The following SYNE2 variants were observed in gnomAD, a reference collection of about 807,000 sequenced individuals.
SYNE2 encodes nesprin-2.
SYNE2 carries 431 observed loss-of-function variants against 856.3 expected under a neutral mutation model. The observed-to-expected ratio is 0.50, with a 90% CI of 0.47 to 0.55. The LOEUF (loss-of-function observed/expected upper bound fraction) is 0.55, where lower values mean the gene tolerates loss of function less well. Ranked by LOEUF, SYNE2 falls within the 20% of genes least tolerant of loss-of-function variation. The pLI is 0.00. For missense variants in SYNE2, 8,129 were observed against 8,023.2 expected (o/e 1.01, Z -0.50); for synonymous variants, 2,923 against 2,872.3 (o/e 1.02, Z -0.56).
intron 74 of SYNE2, among the ~76,000 whole-genome samples, chr14:64,129,338 T>A (rs142078556): frequency 1.6e-4 from 24 of 152,274 alleles, no homozygotes; most frequent in African/African-American, 5.3e-4. Context: ...TCATAAATAT[T>A]TAAGGATGGA....
At chr14:64,114,481 G>A (rs1171860530) in intron 66 of SYNE2, among the ~76,000 whole-genome samples, 1 of 152,100 alleles carries the variant, frequency 6.6e-6, no homozygotes, top group African/African-American at 2.4e-5. Flanking sequence ...CTGTTATGTT[G>A]TTGTGGGAAG....
At chr14:64,097,611 G>T (rs1470025753) in intron 61 of SYNE2, among the ~76,000 whole-genome samples, 1 of 152,246 alleles carries the variant, frequency 6.6e-6, no homozygotes, top group East Asian at 1.9e-4. Flanking sequence ...CAGTCCTGTA[G>T]CTGGCCACTA....
In SYNE2 at chr14:64,065,657, G is replaced by A. The variant is rs773123076; in HGVS notation, c.10431+7G>A. ...GAAATTTGTCAGTGAAGAAGTGAGT[G>A]CTTCATTTTCAACAAACCATGTAGT... On this transcript the variant is annotated splice_region_variant and intron_variant, in intron 51 of 115. Coordinates refer to ENST00000555002, the MANE Select transcript of SYNE2 (RefSeq NM_182914.3). 6.2e-7 allele frequency: 1 copy of A among 1,613,606 alleles called. No homozygotes were observed.
chr14:64,051,484 A>C (rs1595149805), intron 47 of SYNE2, 73 bp from the exon 48 acceptor site: 2 of 1,369,432 alleles, frequency 1.5e-6, no homozygotes, highest in East Asian at 5.0e-5. Flanking sequence ...ATTTCTTCTA[A>C]TGATATTTAT....
At chr14:63,876,323 G>A (rs1188187894) in intron 1 of SYNE2, among the ~76,000 whole-genome samples, 1 of 151,798 alleles carries the variant, frequency 6.6e-6, no homozygotes, top group Admixed American at 6.6e-5. Flanking sequence ...AGGCTGAGGT[G>A]GAGCCAGAAG....
At chr14:63,911,128 C>T (rs1403346792) in intron 2 of SYNE2, among the ~76,000 whole-genome samples, 2 of 152,146 alleles carry the variant, frequency 1.3e-5, no homozygotes, top group Non-Finnish European at 2.9e-5. Flanking sequence ...TGTGCTCCAA[C>T]CCCATGGTTC....
chr14:64,022,982 AT>A, intron 38 of SYNE2, 119 bp downstream of exon 38: 1 of 675,104 alleles, frequency 1.5e-6, no homozygotes, highest in Admixed American at 2.5e-5. Flanking sequence ...TAATCCTAGC[AT>A]TTTCGAAGGC....
intron 6 of SYNE2, among the ~76,000 whole-genome samples, chr14:63,947,184 AG>A (rs2096048959): frequency 6.6e-6 from 1 of 152,192 alleles, no homozygotes; most frequent in East Asian, 1.9e-4. Context: ...TTTACTATGA[AG>A]GTATTCTCTT....
intron 6 of SYNE2, among the ~76,000 whole-genome samples, chr14:63,948,955 G>T (rs1566885553): frequency 6.6e-6 from 1 of 151,474 alleles, no homozygotes; most frequent in Non-Finnish European, 1.5e-5. Context: ...GATTTATGGT[G>T]CAGCATGGTC....
At chr14:63,779,365 G>A (rs1275970429) in intron 1 of SYNE2, among the ~76,000 whole-genome samples, 4 of 115,900 alleles carry the variant, frequency 3.5e-5, no homozygotes, top group African/African-American at 1.2e-4. Flanking sequence ...AATAAAATCA[G>A]TAATCTAAAT....
chr14:63,909,711 C>T (rs1488586193), intron 2 of SYNE2, among the ~76,000 whole-genome samples: 2 of 152,122 alleles, frequency 1.3e-5, no homozygotes, highest in Non-Finnish European at 2.9e-5. Flanking sequence ...TGTTGTGGCA[C>T]ATGTCTGTAA....
At chr14:63,959,545 C>T (rs923669247) in intron 8 of SYNE2, among the ~76,000 whole-genome samples, 2 of 151,866 alleles carry the variant, frequency 1.3e-5, no homozygotes, top group African/African-American at 4.8e-5. Context: ...TGATTCGCCG[C>T]CTTGACCTCA....
intron 15 of SYNE2, 38 bp downstream of exon 15, chr14:63,980,770 C>T (rs771788511): frequency 7.4e-7 from 1 of 1,353,730 alleles, no homozygotes; most frequent in South Asian, 1.2e-5. Flanking sequence ...GAATGACTGT[C>T]ACTTAACAGT....
intron 1 of SYNE2, among the ~76,000 whole-genome samples, chr14:63,811,041 T>G (rs948315771): frequency 6.6e-6 from 1 of 152,174 alleles, no homozygotes; most frequent in African/African-American, 2.4e-5. Flanking sequence ...TTCACCGTGT[T>G]AGACAGGATG....
intron 33 of SYNE2, among the ~76,000 whole-genome samples, chr14:64,017,366 A>G (rs1217220491): frequency 6.6e-6 from 1 of 150,766 alleles, no homozygotes; most frequent in African/African-American, 2.4e-5. Context: ...AATTAGGAAG[A>G]CTATTGATTT....
chr14:63,839,790 T>C (rs1595162471), intron 1 of SYNE2, among the ~76,000 whole-genome samples: 1 of 152,386 alleles, frequency 6.6e-6, no homozygotes, highest in South Asian at 2.1e-4. Context: ...AAAGATCTTC[T>C]TTCTGTGATT....
intron 27 of SYNE2, 100 bp from the exon 28 acceptor site, chr14:64,000,462 G>A: frequency 9.1e-7 from 1 of 1,093,610 alleles, no homozygotes; most frequent in South Asian, 1.3e-5. Context: ...GAAACATTGT[G>A]TTTGCTTCCA....
At chr14:64,102,216 A>C (rs554537434) in intron 64 of SYNE2, among the ~76,000 whole-genome samples, 174 bp downstream of exon 64, 15 of 152,270 alleles carry the variant, frequency 9.9e-5, no homozygotes, top group African/African-American at 3.1e-4. Context: ...TCTTAGGTTC[A>C]AGCAATTCTC....
intron 1 of SYNE2, among the ~76,000 whole-genome samples, chr14:63,898,634 G>A (rs2095293051): frequency 6.6e-6 from 1 of 151,994 alleles, no homozygotes; most frequent in South Asian, 2.1e-4. Flanking sequence ...CGAACTCCTG[G>A]CCTCAAGCGA....
Sources: allele counts gnomAD v4.1 joint callset (sites outside exome capture counted in the v4.1 genomes callset), GRCh38; gene constraint gnomAD v4.1.1; transcripts MANE v1.5; gene names NCBI Gene and HGNC (gene_info 2026-07-23, HGNC 2026-07-21).